LRRCC1: variants seen among roughly 807,000 people sequenced by gnomAD.
The protein encoded by LRRCC1 is leucine rich repeat and coiled-coil centrosomal protein 1.
In LRRCC1, 115 loss-of-function variants were observed where a neutral mutation model predicts 126.0. The observed-to-expected ratio is 0.91, with a 90% CI of 0.78 to 1.07. LRRCC1 has a LOEUF of 1.07. LRRCC1 is among the 50% of genes least tolerant of loss of function. The pLI is 0.00. For synonymous variants in LRRCC1, 400 were observed against 393.4 expected, an observed-to-expected ratio of 1.02 and a Z score of -0.20; for missense variants, 1,172 against 1,175.7, an observed-to-expected ratio of 1.00 and a Z score of 0.05.
chr8:85,144,160 A>T (rs1057487445), intron 18 of LRRCC1, among the ~76,000 whole-genome samples: 1 of 152,120 alleles, frequency 6.6e-6, no homozygotes, highest in East Asian at 1.9e-4. Context: ...AACCACCAAC[A>T]GTGTTTTTAG....
intron 3 of LRRCC1, among the ~76,000 whole-genome samples, chr8:85,112,634 C>G (rs1388504586): frequency 6.6e-6 from 1 of 152,168 alleles, no homozygotes; most frequent in African/African-American, 2.4e-5. Flanking sequence ...TTGCTTTATC[C>G]TTTTTCTCAT....
chr8:85,107,508 C>G (rs1808332336), intron 1 of LRRCC1, 109 bp downstream of exon 1: 1 of 920,290 alleles, frequency 1.1e-6, no homozygotes, highest in African/African-American at 1.7e-5. Context: ...TTACCAAGAC[C>G]ATAAGTGAAC....
At chr8:85,110,552 T>C (rs1356697649) in intron 3 of LRRCC1, among the ~76,000 whole-genome samples, 2 of 152,240 alleles carry the variant, frequency 1.3e-5, no homozygotes, top group Non-Finnish European at 2.9e-5. Flanking sequence ...TGGCAGCCAG[T>C]AGCCAAATGT....
intron 18 of LRRCC1, among the ~76,000 whole-genome samples, chr8:85,142,221 A>AG (rs1218133431): frequency 3.9e-5 from 6 of 151,970 alleles, no homozygotes; most frequent in Non-Finnish European, 7.4e-5. Context: ...TTGAACCCGG[A>AG]GGTGGAGGTT....
In LRRCC1 at chr8:85,115,570, C is replaced by T. The variant is rs754562722; in HGVS notation, c.916C>T (p.Gln306Ter). The T allele has an allele frequency of 1.3e-6, 2 of 1,596,074 alleles. No individual in the cohort carries two copies. The highest frequency in any genetic ancestry group is 1.1e-5 in the South Asian group (1 of 90,240). The part of the protein sequence containing the change: ...KLQKLDDQIL[Q>*]LLNETSNSID... Reference sequence around the variant, plus strand: ...TCAGAAATTAGATGACCAAATTCTACAACTTCTAAATGAAGTAACTATTTT... The same window carrying T: ...TCAGAAATTAGATGACCAAATTCTATAACTTCTAAATGAAGTAACTATTTT... The change falls in exon 6 of 19, where the codon CAA becomes TAA. Residue 306 changes from glutamine (Q) to a stop codon, truncating the protein, a stop_gained. Transcript: ENST00000360375. LOFTEE classifies it high-confidence loss of function.
rs764756671 is a variant in LRRCC1, at chr8:85,129,398, A to T, written c.1626+19A>T. On this transcript the variant is annotated intron_variant, in intron 10 of 18. Transcript: ENST00000360375. ...AGCACAGGTATTTCTCTATTTTAAT[A>T]TATGAGTAGCACAGATTAACACAAA... 2 of 1,573,146 alleles carry T rather than the reference A, an allele frequency of 1.3e-6. No individual in the cohort carries two copies. The highest frequency in any genetic ancestry group is 1.7e-6 in the Non-Finnish European group (2 of 1,154,232).
At chr8:85,122,781 C>T (rs926928588) in intron 6 of LRRCC1, among the ~76,000 whole-genome samples, 3 of 152,176 alleles carry the variant, frequency 2.0e-5, no homozygotes, top group East Asian at 1.9e-4. Context: ...TTTTGAAGTA[C>T]GTCCTGGACA....
intron 1 of LRRCC1, 141 bp downstream of exon 1, chr8:85,107,540 C>T (rs981158024): frequency 6.9e-5 from 47 of 685,374 alleles, no homozygotes; most frequent in Admixed American, 1.3e-4. Context: ...TTCGGCCTCC[C>T]CGCTCCTCCA....
rs1042730525 is a variant in LRRCC1 at position 85,129,284 on chromosome 8, A to G, written c.1531A>G (p.Lys511Glu). 6.2e-7 allele frequency: 1 copy of G among 1,613,634 alleles called. No homozygotes were observed. The highest frequency in any genetic ancestry group is 8.5e-7 in the Non-Finnish European group (1 of 1,179,742). ...ACTGACTGTTGAACTAATGAAAGCA[A>G]AAGATCAACAAGAGGATCACCTTAA... ...KKLTVELMKAKDQQEDHLKHL... is the reference protein window; with the variant it reads ...KKLTVELMKAEDQQEDHLKHL... The change falls in exon 10 of 19, where the codon AAA (lysine) becomes GAA (glutamate). Residue 511 changes from lysine to glutamate, a missense_variant. By Grantham distance (56) the Lys-to-Glu change is moderately conservative. Transcript: ENST00000360375.
In LRRCC1 at chr8:85,129,916, C is replaced by A; in HGVS notation, c.1627-3C>A. 1.3e-6 allele frequency: 2 copies of A among 1,528,480 alleles called. No individual in the cohort carries two copies. Among genetic ancestry groups the A allele is most frequent in the Non-Finnish European group, 1.7e-6 (2 of 1,146,662 alleles). The allele number at this position is 1,528,480 out of a possible 1,614,324, so 94.7% of individuals were successfully genotyped here. A position where few individuals can be genotyped will look rare whatever the true frequency, so the allele number is the denominator to read the frequency against. ...ATAATGTAATTGTGGGTATTTTACT[C>A]AGATAAGACTGATCCAAGAGGTGGA... On this transcript the variant is annotated splice_polypyrimidine_tract_variant and splice_region_variant and intron_variant, in intron 10 of 18. Transcript: ENST00000360375.
chr8:85,144,162 T>A (rs1340318687), intron 18 of LRRCC1, among the ~76,000 whole-genome samples: 1 of 152,024 alleles, frequency 6.6e-6, no homozygotes, highest in East Asian at 1.9e-4. Context: ...CCACCAACAG[T>A]GTTTTTAGAA....
intron 7 of LRRCC1, among the ~76,000 whole-genome samples, chr8:85,124,542 C>T (rs1809818674): frequency 6.6e-6 from 1 of 152,120 alleles, no homozygotes; most frequent in Non-Finnish European, 1.5e-5. Flanking sequence ...TCCAAGAATT[C>T]TACCCTACCT....
chr8:85,130,380 G>A (rs1210132271), intron 11 of LRRCC1, among the ~76,000 whole-genome samples: 1 of 151,226 alleles, frequency 6.6e-6, no homozygotes, highest in Non-Finnish European at 1.5e-5. Context: ...CTGACCTCAT[G>A]ATCTGCCCCA....
At position 85,130,021 on chromosome 8, in the gene LRRCC1, C is replaced by T; in HGVS notation, c.1729C>T (p.Leu577Phe). 1 of 1,597,606 alleles carries T rather than the reference C, an allele frequency of 6.3e-7. No homozygotes were observed. Among genetic ancestry groups the T allele is most frequent in the Non-Finnish European group, 8.5e-7 (1 of 1,173,974 alleles). Reference protein sequence around the residue: ...LHREREQAQQLHQLLALKEQE... With the variant: ...LHREREQAQQFHQLLALKEQE... ...TCGAGAAAGAGAACAAGCGCAACAA[C>T]TTCATCAACTTCTTGCATTGAAAGA... The change falls in exon 11 of 19, where the codon CTT (leucine) becomes TTT (phenylalanine). Residue 577 changes from leucine to phenylalanine, a missense_variant. By Grantham distance (22) the Leu-to-Phe change is conservative. Transcript: ENST00000360375.
intron 18 of LRRCC1, 132 bp from the exon 19 acceptor site, chr8:85,145,257 C>T: frequency 3.1e-6 from 2 of 641,030 alleles, no homozygotes; most frequent in South Asian, 5.0e-5. Flanking sequence ...TTACATTTTA[C>T]TGACATTTCT....
intron 18 of LRRCC1, among the ~76,000 whole-genome samples, chr8:85,145,073 C>G (rs947244755): frequency 2.1e-5 from 3 of 145,320 alleles, no homozygotes; most frequent in African/African-American, 5.1e-5. Flanking sequence ...GAGCAAGACT[C>G]CATCTCAAAA....
intron 8 of LRRCC1, among the ~76,000 whole-genome samples, 193 bp downstream of exon 8, chr8:85,125,132 T>A (rs1039634412): frequency 6.6e-5 from 10 of 152,222 alleles, no homozygotes; most frequent in Non-Finnish European, 1.0e-4. Context: ...TACATTTTTT[T>A]ATGATCAGAT....
intron 11 of LRRCC1, 88 bp from the exon 12 acceptor site, chr8:85,131,672 T>C (rs1033661717): frequency 2.0e-6 from 2 of 979,250 alleles, no homozygotes; most frequent in East Asian, 2.6e-5. Context: ...ATACTGAATA[T>C]AGAATATTAA....
At position 85,116,036 on chromosome 8, in the gene LRRCC1, T is replaced by A. The variant is rs532374053; in HGVS notation, c.930+452T>A. ...CATAGTTCCTGTATCAATTTCATTT[T>A]CTAGTAGACCATCACCTAATCAATC... is the stretch of plus-strand genomic sequence containing the variant. On this transcript the variant is annotated intron_variant, in intron 6 of 18. Coordinates refer to ENST00000360375, the MANE Select transcript of LRRCC1 (RefSeq NM_033402.5). 3.3e-5 allele frequency among the ~76,000 whole-genome samples: 5 copies of A among 152,362 alleles called. No homozygotes were observed. The South Asian group carries it at 1.0e-3, about 32-fold the overall frequency.
Sources: gnomAD v4.1 joint callset for allele counts (sites outside exome capture counted in the v4.1 genomes callset) on GRCh38, gnomAD v4.1.1 for gene constraint, MANE v1.5 for transcripts, NCBI Gene and HGNC (gene_info 2026-07-23, HGNC 2026-07-21) for gene names.